Variants in SPAG16 observed in about 807,000 individuals in gnomAD.
SPAG16 encodes sperm-associated antigen 16 protein.
In SPAG16, 86 loss-of-function variants were observed where a neutral mutation model predicts 80.4. That is an observed-to-expected ratio of 1.07 (90% confidence interval 0.90 to 1.28). The LOEUF (loss-of-function observed/expected upper bound fraction) is 1.28. Among genes scored for constraint, SPAG16 ranks in the 50% most tolerant of loss-of-function variants. The pLI is 0.00. For missense variants in SPAG16, 870 were observed against 765.3 expected, an observed-to-expected ratio of 1.14 and a Z score of -1.61; for synonymous variants, 294 against 265.9, an observed-to-expected ratio of 1.11 and a Z score of -1.03.
At chr2:214,159,382 G>A (rs1414965437) in intron 15 of SPAG16, among the ~76,000 whole-genome samples, 1 of 151,984 alleles carries the variant, frequency 6.6e-6, no homozygotes, top group Admixed American at 6.6e-5. Flanking sequence ...CCAAAGTCAA[G>A]TAGCTCAAGA....
rs1435676453 is a variant in SPAG16 at position 213,910,692 on chromosome 2, G to T, written c.1215-19268G>T. Among the ~76,000 whole-genome samples the T allele has an allele frequency of 5.3e-5, 2 of 37,596 alleles. 1 individual carries two copies. The highest frequency in any genetic ancestry group is 1.0e-4 in the African/African-American group (2 of 19,268). The allele number at this position is 37,596 out of a possible 152,430, so 24.7% of individuals were successfully genotyped here. A position where few individuals can be genotyped will look rare whatever the true frequency, so the allele number is the denominator to read the frequency against. ...TTTAGTAGAGACAGGGTTTCACCGT[G>T]TTAGCCAGAATGGTCTCGATCTCCT... On this transcript the variant is annotated intron_variant, in intron 11 of 15. Transcript: ENST00000331683.
chr2:214,131,068 A>G (rs1223238227), intron 14 of SPAG16, among the ~76,000 whole-genome samples: 1 of 152,194 alleles, frequency 6.6e-6, no homozygotes, highest in African/African-American at 2.4e-5. Flanking sequence ...CATCTGCAAA[A>G]TAAGCATTAT....
At chr2:213,893,875 A>G (rs1252476296) in intron 11 of SPAG16, among the ~76,000 whole-genome samples, 1 of 152,142 alleles carries the variant, frequency 6.6e-6, no homozygotes, top group Non-Finnish European at 1.5e-5. Context: ...ACAAGCAACG[A>G]AATGGCAGTA....
At chr2:213,518,170 C>T (rs982377404) in intron 10 of SPAG16, among the ~76,000 whole-genome samples, 2 of 152,310 alleles carry the variant, frequency 1.3e-5, no homozygotes, top group South Asian at 4.1e-4. Flanking sequence ...ACAACACATA[C>T]AAGTGGCCAA....
intron 15 of SPAG16, among the ~76,000 whole-genome samples, chr2:214,250,751 T>G (rs369822763): frequency 0.066 from 6,419 of 97,948 alleles, 229 homozygotes; most frequent in South Asian, 0.092. Flanking sequence ...TATATATATA[T>G]ATATATAGAG....
chr2:214,280,851 G>C, intron 15 of SPAG16: 1 of 430,254 alleles, frequency 2.3e-6, no homozygotes, highest in Non-Finnish European at 4.5e-6. Flanking sequence ...TATATATTGA[G>C]AGGATTGTTT....
intron 11 of SPAG16, among the ~76,000 whole-genome samples, chr2:213,911,922 A>G (rs1249666387): frequency 6.6e-6 from 1 of 152,026 alleles, no homozygotes; most frequent in Non-Finnish European, 1.5e-5. Context: ...CCATGAAGAG[A>G]TGAACACAAT....
At chr2:213,956,835 A>G (rs72950760) in intron 12 of SPAG16, among the ~76,000 whole-genome samples, 22,628 of 151,984 alleles carry the variant, frequency 0.15, 2,056 homozygotes, top group Non-Finnish European at 0.21. Flanking sequence ...GGTATGTTGC[A>G]TTTCTGTTTT....
In SPAG16 at chr2:213,284,505, C is replaced by T. The variant is rs2061976135; in HGVS notation, c.22C>T (p.Pro8Ser). Residue 8 changes from proline (P) to serine (S), a missense_variant, in exon 1 of 16, where the codon CCC becomes TCC. Coordinates refer to ENST00000331683, the MANE Select transcript of SPAG16 (RefSeq NM_024532.5). MAAQRGMPSSAVRVLEEA... is the reference protein window; with the variant it reads MAAQRGMSSSAVRVLEEA... ...AGAGATGGCTGCTCAGCGAGGGATG[C>T]CCAGCTCCGCCGTGAGGGTCCTGGA... 1.3e-6 allele frequency: 2 copies of T among 1,575,812 alleles called. No homozygotes were observed. The highest frequency in any genetic ancestry group is 1.3e-5 in the African/African-American group (1 of 74,374).
At chr2:214,177,759 A>G (rs2057140889) in intron 15 of SPAG16, among the ~76,000 whole-genome samples, 1 of 149,772 alleles carries the variant, frequency 6.7e-6, no homozygotes, top group Admixed American at 6.7e-5. Flanking sequence ...GCTAGTATCA[A>G]ATTAACCTAA....
chr2:214,052,576 T>C (rs1023460394), intron 13 of SPAG16, among the ~76,000 whole-genome samples: 3 of 152,232 alleles, frequency 2.0e-5, no homozygotes, highest in Admixed American at 6.5e-5. Context: ...ATCCCAGATA[T>C]AGTTTTGGAG....
At chr2:214,405,089 C>T (rs558311935) in intron 15 of SPAG16, among the ~76,000 whole-genome samples, 28 of 151,902 alleles carry the variant, frequency 1.8e-4, no homozygotes, top group Non-Finnish European at 3.4e-4. Flanking sequence ...TAAAGAGGCC[C>T]CAAAGTGTGA....
intron 11 of SPAG16, among the ~76,000 whole-genome samples, chr2:213,926,129 A>G (rs1360058747): frequency 2.0e-5 from 3 of 152,162 alleles, no homozygotes; most frequent in African/African-American, 7.2e-5. Flanking sequence ...TTTGATTAGG[A>G]AAATATACTT....
chr2:214,369,437 A>C (rs1171400678), intron 15 of SPAG16, among the ~76,000 whole-genome samples: 2 of 152,136 alleles, frequency 1.3e-5, no homozygotes, highest in Non-Finnish European at 2.9e-5. Flanking sequence ...GCCACATGAC[A>C]TAAATACCCT....
intron 13 of SPAG16, among the ~76,000 whole-genome samples, chr2:214,101,241 C>T (rs1481397523): frequency 2.6e-5 from 4 of 151,934 alleles, no homozygotes; most frequent in Non-Finnish European, 5.9e-5. Flanking sequence ...ATAGGGTTCA[C>T]GGTCAGTCAG....
chr2:213,743,532 G>T (rs1207947087), intron 10 of SPAG16, among the ~76,000 whole-genome samples: 1 of 152,088 alleles, frequency 6.6e-6, no homozygotes, highest in Non-Finnish European at 1.5e-5. Flanking sequence ...ATACAGGAAT[G>T]CTTTTATTAT....
At chr2:213,974,452 T>A (rs1240318184) in intron 12 of SPAG16, among the ~76,000 whole-genome samples, 2 of 151,970 alleles carry the variant, frequency 1.3e-5, no homozygotes, top group Non-Finnish European at 2.9e-5. Context: ...CTAAGATTTT[T>A]AAAATACTAG....
chr2:213,935,201 C>CAAA (rs397872306), intron 12 of SPAG16, among the ~76,000 whole-genome samples: 3 of 102,718 alleles, frequency 2.9e-5, no homozygotes, highest in African/African-American at 1.1e-4. Context: ...GACTCCATCT[C>CAAA]AAAAAAAAAA....
chr2:214,309,851 C>T (rs1695162738), intron 15 of SPAG16, among the ~76,000 whole-genome samples: 1 of 152,124 alleles, frequency 6.6e-6, no homozygotes, highest in African/African-American at 2.4e-5. Context: ...GCATTCACCA[C>T]AGTGGTAGAG....
Sources: gnomAD v4.1 joint callset for allele counts (sites outside exome capture counted in the v4.1 genomes callset) on GRCh38, gnomAD v4.1.1 for gene constraint, MANE v1.5 for transcripts, NCBI Gene and HGNC (gene_info 2026-07-23, HGNC 2026-07-21) for gene names.